TMEM131: variants seen among roughly 807,000 people sequenced by gnomAD.
TMEM131 encodes the protein transmembrane protein 131, also known as 2610524E03Rik.
TMEM131 carries 66 observed loss-of-function variants against 211.6 expected under a neutral mutation model. That is an observed-to-expected ratio of 0.31 (90% CI 0.26 to 0.38). TMEM131 has a LOEUF of 0.38. Among genes scored for constraint, TMEM131 ranks in the 10% least tolerant of loss-of-function variants. The pLI is 1.00. For missense variants in TMEM131, 2,036 were observed against 2,299.3 expected (o/e 0.89, Z 2.34); for synonymous variants, 844 against 841.3 (o/e 1.00, Z -0.06).
intron 19 of TMEM131, among the ~76,000 whole-genome samples, chr2:97,807,334 G>A (rs1417723740): frequency 2.0e-5 from 3 of 152,190 alleles, no homozygotes; most frequent in Non-Finnish European, 4.4e-5. Context: ...CTGGGCCACA[G>A]GGGTGGATCC....
At chr2:97,790,783 A>C (rs1680466516) in intron 31 of TMEM131, among the ~76,000 whole-genome samples, 1 of 152,264 alleles carries the variant, frequency 6.6e-6, no homozygotes, top group Non-Finnish European at 1.5e-5. Flanking sequence ...AAAATATGTA[A>C]GCTCAGTTAA....
chr2:97,783,099 T>A (rs1318013799), intron 31 of TMEM131, among the ~76,000 whole-genome samples: 2 of 152,044 alleles, frequency 1.3e-5, no homozygotes, highest in Non-Finnish European at 2.9e-5. Flanking sequence ...TGACACATTA[T>A]CTATAAGGAA....
chr2:97,966,924 A>G (rs1679084165), intron 1 of TMEM131, among the ~76,000 whole-genome samples: 1 of 152,102 alleles, frequency 6.6e-6, no homozygotes, highest in Admixed American at 6.6e-5. Flanking sequence ...ATATAAGATG[A>G]CAAGACTAAT....
At chr2:97,766,722 G>A (rs1398591200) in intron 33 of TMEM131, 120 bp from the exon 34 acceptor site, 6 of 1,247,180 alleles carry the variant, frequency 4.8e-6, no homozygotes, top group Middle Eastern at 2.3e-4. Flanking sequence ...GTGGCTTCCT[G>A]GGGCGTTATC....
At chr2:97,851,462 C>G (rs987616664) in intron 5 of TMEM131, among the ~76,000 whole-genome samples, 1 of 152,160 alleles carries the variant, frequency 6.6e-6, no homozygotes, top group African/African-American at 2.4e-5. Context: ...TACAGCATAT[C>G]TCATTTTATT....
intron 4 of TMEM131, among the ~76,000 whole-genome samples, chr2:97,860,483 T>G (rs918143577): frequency 3.9e-5 from 6 of 152,220 alleles, no homozygotes; most frequent in African/African-American, 1.4e-4. Context: ...ATTTAAAGTA[T>G]GCATATAAAC....
At chr2:97,979,026 A>G (rs1417341659) in intron 1 of TMEM131, among the ~76,000 whole-genome samples, 1 of 152,228 alleles carries the variant, frequency 6.6e-6, no homozygotes, top group Non-Finnish European at 1.5e-5. Context: ...AACAACATGC[A>G]GCTCCTTGTA....
At chr2:97,806,129 C>CA (rs1230954139) in intron 19 of TMEM131, among the ~76,000 whole-genome samples, 6 of 152,158 alleles carry the variant, frequency 3.9e-5, no homozygotes, top group South Asian at 2.1e-4. Context: ...CCAAAGGGGA[C>CA]AAAATCACAA....
chr2:97,784,134 T>C (rs1033107965), intron 31 of TMEM131, among the ~76,000 whole-genome samples: 4 of 151,910 alleles, frequency 2.6e-5, no homozygotes, highest in African/African-American at 7.3e-5. Context: ...ACAATTACAT[T>C]TGGAGATGTC....
intron 3 of TMEM131, among the ~76,000 whole-genome samples, chr2:97,894,406 A>G (rs761719413): frequency 2.6e-5 from 4 of 152,130 alleles, no homozygotes; most frequent in Admixed American, 6.5e-5. Flanking sequence ...GTTTTTTTCA[A>G]TTCTGTGAAG....
intron 4 of TMEM131, among the ~76,000 whole-genome samples, chr2:97,875,488 T>C (rs569410971): frequency 2.0e-4 from 31 of 152,330 alleles, no homozygotes; most frequent in African/African-American, 7.5e-4. Flanking sequence ...CCTCAACATA[T>C]GCAAGATAAC....
At chr2:97,895,763 CTTCT>C (rs757087004) in intron 3 of TMEM131, among the ~76,000 whole-genome samples, 6 of 151,884 alleles carry the variant, frequency 4.0e-5, no homozygotes, top group South Asian at 4.1e-4. Flanking sequence ...TCTCTCTTTT[CTTCT>C]TTATTAGTCT....
In TMEM131 at chr2:97,990,031, C is replaced by G. The variant is rs530258057; in HGVS notation, c.187+5445G>C. 2.6e-5 allele frequency among the ~76,000 whole-genome samples: 4 copies of G among 152,318 alleles called. No homozygotes were observed. In the East Asian group the frequency reaches 7.7e-4, roughly 29 times the overall value. On this transcript the variant is annotated intron_variant, in intron 1 of 40. Transcript: ENST00000186436. ...GCATTATCTCCAGCTCCTGTTAGTC[C>G]AGGGCCAGCTTCTGAGAATATTCCA...
chr2:97,870,558 A>G (rs1001169257), intron 4 of TMEM131, among the ~76,000 whole-genome samples: 1 of 152,170 alleles, frequency 6.6e-6, no homozygotes, highest in Admixed American at 6.5e-5. Context: ...GAATAGTCTG[A>G]GGCTCAAAAG....
At chr2:97,988,070 A>G (rs1680105717) in intron 1 of TMEM131, among the ~76,000 whole-genome samples, 1 of 151,872 alleles carries the variant, frequency 6.6e-6, no homozygotes. Context: ...TTACAAAGCT[A>G]TAGTATTCAA....
At chr2:97,760,530 AAG>A in intron 38 of TMEM131, 61 bp downstream of exon 38, 1 of 1,473,918 alleles carries the variant, frequency 6.8e-7, no homozygotes. Flanking sequence ...TATGGATAAA[AAG>A]GTGCTAACCC....
intron 2 of TMEM131, among the ~76,000 whole-genome samples, chr2:97,914,647 T>A (rs1676434050): frequency 1.3e-5 from 2 of 152,172 alleles, no homozygotes; most frequent in Non-Finnish European, 2.9e-5. Context: ...CCTTTTGGAG[T>A]TGGCTTTTTT....
intron 18 of TMEM131, 82 bp from the exon 19 acceptor site, chr2:97,809,856 T>A: frequency 8.6e-7 from 1 of 1,156,710 alleles, no homozygotes; most frequent in Non-Finnish European, 1.3e-6. Flanking sequence ...ATTTTGGGGT[T>A]AACCTAATTT....
intron 1 of TMEM131, among the ~76,000 whole-genome samples, chr2:97,931,686 C>T (rs1573574846): frequency 6.6e-6 from 1 of 152,170 alleles, no homozygotes; most frequent in East Asian, 1.9e-4. Flanking sequence ...TCTCCTCACC[C>T]ACAAAAGGAG....
Sources: allele counts gnomAD v4.1 joint callset (sites outside exome capture counted in the v4.1 genomes callset), GRCh38; gene constraint gnomAD v4.1.1; transcripts MANE v1.5; gene names NCBI Gene and HGNC (gene_info 2026-07-23, HGNC 2026-07-21).